The following MSRB1 variants were observed in gnomAD, a reference collection of about 807,000 sequenced individuals.
The protein encoded by MSRB1 is methionine sulfoxide reductase B1.
Under a neutral mutation model 15.2 loss-of-function variants are expected in MSRB1, and 13 were observed. That is an observed-to-expected ratio of 0.86 (90% CI 0.56 to 1.36). MSRB1 has a LOEUF of 1.36. Among genes scored for constraint, MSRB1 ranks in the 40% most tolerant of loss-of-function variants. The pLI is 0.00. For missense variants in MSRB1, 174 were observed against 155.9 expected, an observed-to-expected ratio of 1.12 and a Z score of -0.62; for synonymous variants, 68 against 64.5, an observed-to-expected ratio of 1.05 and a Z score of -0.26.
At position 1,938,866 on chromosome 16, in the gene MSRB1, T is replaced by G. The variant is rs2150855578; in HGVS notation, c.*246A>C. On this transcript the variant is annotated 3_prime_UTR_variant, in exon 4 of 4. Coordinates refer to ENST00000361871, the MANE Select transcript of MSRB1 (RefSeq NM_016332.4). ...CACCTAGAGTGAGCAGGGGGCTAAG[T>G]CAGCCGACAGTGTGGCTGCACAGCC... The G allele has an allele frequency of 1.7e-6, 1 of 591,276 alleles. No individual in the cohort carries two copies. Among genetic ancestry groups the G allele is most frequent in the African/African-American group, 1.9e-5 (1 of 52,304 alleles). The allele number at this position is 591,276 out of a possible 1,614,324, so 36.6% of individuals were successfully genotyped here.
chr16:1,940,831 G>A lies in MSRB1; in HGVS notation c.266C>T (p.Pro89Leu), dbSNP rs770828953. 49 of 1,613,982 alleles carry A rather than the reference G, an allele frequency of 3.0e-5. No individual in the cohort carries two copies. The highest frequency in any genetic ancestry group is 1.6e-4 in the Middle Eastern group (1 of 6,084). ...GHEFLNDGPK[P>L]GQSRFUIFSS... ...GAATATTCAGAATCGGGACTGCCCC[G>A]GCTTGGGGCCGTCGTTCAGGAACTC... Residue 89 changes from proline to leucine, a missense_variant, in exon 3 of 4, where the codon CCG becomes CTG. Physicochemically the swap from Pro to Leu is moderately conservative, Grantham distance 98. Coordinates refer to ENST00000361871, the MANE Select transcript of MSRB1 (RefSeq NM_016332.4).
In MSRB1 at chr16:1,938,958, T is replaced by C; in HGVS notation, c.*154A>G. 1.0e-6 allele frequency: 1 copy of C among 982,826 alleles called. No homozygotes were observed. Among genetic ancestry groups the C allele is most frequent in the Non-Finnish European group, 1.6e-6 (1 of 640,136 alleles). The allele number at this position is 982,826 out of a possible 1,614,324, so 60.9% of individuals were successfully genotyped here. A position where few individuals can be genotyped will look rare whatever the true frequency, so the allele number is the denominator to read the frequency against. ...GTCTCTTTTCCAAGAAACGAAAAGG[T>C]CTTGTTCAGAGCCGGGGCCTTGGGA... On this transcript the variant is annotated 3_prime_UTR_variant, in exon 4 of 4. Coordinates refer to ENST00000361871, the MANE Select transcript of MSRB1 (RefSeq NM_016332.4).
intron 3 of MSRB1, among the ~76,000 whole-genome samples, chr16:1,939,679 T>C (rs576267337): frequency 2.4e-4 from 37 of 151,974 alleles, no homozygotes; most frequent in African/African-American, 8.4e-4. Context: ...ATTGGCTGGG[T>C]GCGGTAGCTC....
chr16:1,940,964 C>T (rs1255367155), intron 2 of MSRB1, 72 bp from the exon 3 acceptor site: 3 of 1,602,894 alleles, frequency 1.9e-6, no homozygotes, highest in South Asian at 2.2e-5. Context: ...CTTACTGGGG[C>T]TGGCAGATGG....
At chr16:1,941,786 G>A in intron 1 of MSRB1, 6 of 229,640 alleles carry the variant, frequency 2.6e-5, no homozygotes, top group Middle Eastern at 1.7e-3. Context: ...GAACATAGAG[G>A]GCAGGGGCCC....
chr16:1,939,228 C>A (rs1020393648), intron 3 of MSRB1, 85 bp from the exon 4 acceptor site: 3 of 1,445,088 alleles, frequency 2.1e-6, no homozygotes, highest in Non-Finnish European at 2.8e-6. Context: ...CGGTGGAAAG[C>A]CAGGGTAGGG....
chr16:1,941,198 A>T (rs562317579), intron 2 of MSRB1, 59 bp downstream of exon 2: 1 of 1,601,900 alleles, frequency 6.2e-7, no homozygotes, highest in African/African-American at 1.3e-5. Context: ...GGAAGGTGGG[A>T]CTGGCTCTCT....
intron 1 of MSRB1, among the ~76,000 whole-genome samples, chr16:1,942,788 G>A (rs1026085021): frequency 2.0e-5 from 3 of 152,172 alleles, no homozygotes; most frequent in African/African-American, 7.2e-5. Context: ...GAGTGTAGGG[G>A]GTAGGGAAGG....
rs1431837631 is a variant in MSRB1 at position 1,943,113 on chromosome 16, T to G, written c.44A>C (p.His15Pro). ...GCCGCAGGACCAACCAGGTTCAAAG[T>G]GATTCTGGAAAACCTCGCCCCCGAA... The part of the protein sequence containing the change: ...SFFGGEVFQN[H>P]FEPGVYVCAK... Residue 15 changes from histidine to proline, a missense_variant, in exon 1 of 4, where the codon CAC becomes CCC. Physicochemically the swap from His to Pro is moderately conservative, Grantham distance 77. Transcript: ENST00000361871. 6.4e-7 allele frequency: 1 copy of G among 1,560,392 alleles called. No homozygotes were observed. The highest frequency in any genetic ancestry group is 1.2e-5 in the South Asian group (1 of 84,716).
chr16:1,940,811 T>C lies in MSRB1; in HGVS notation c.286A>G (p.Ile96Val). The change falls in exon 3 of 4, where the codon ATA (isoleucine) becomes GTA (valine). Residue 96 changes from isoleucine to valine, a missense_variant. Transcript: ENST00000361871. ...ACAAACTTCAGCGAGCTGCTGAATA[T>C]TCAGAATCGGGACTGCCCCGGCTTG... ...GPKPGQSRFU[I>V]FSSSLKFVPK... is the part of the protein sequence containing the mutation. The C allele has an allele frequency of 1.2e-6, 2 of 1,613,998 alleles. No individual in the cohort carries two copies. Among genetic ancestry groups the C allele is most frequent in the Non-Finnish European group, 1.7e-6 (2 of 1,179,970 alleles).
At chr16:1,943,004 C>A (rs2150858464) in intron 1 of MSRB1, 98 bp downstream of exon 1, 1 of 1,496,676 alleles carries the variant, frequency 6.7e-7, no homozygotes, top group South Asian at 1.2e-5. Flanking sequence ...CCCCCATTCC[C>A]GGCTTGGGAG....
intron 3 of MSRB1, among the ~76,000 whole-genome samples, chr16:1,939,652 C>T (rs2083062976): frequency 6.6e-6 from 1 of 151,984 alleles, no homozygotes; most frequent in South Asian, 2.1e-4. Context: ...ACCCCCATCT[C>T]TATAAAAATT....
At chr16:1,941,689 A>C in intron 1 of MSRB1, 1 of 466,972 alleles carries the variant, frequency 2.1e-6, no homozygotes, top group Non-Finnish European at 3.9e-6. Context: ...TGATGCAGAC[A>C]CTCAGCTACA....
chr16:1,940,780 T>C lies in MSRB1; in HGVS notation c.317A>G (p.Lys106Arg). The change falls in exon 3 of 4, where the codon AAA becomes AGA. Residue 106 changes from lysine (K) to arginine (R), a missense_variant and splice_region_variant. Coordinates refer to ENST00000361871, the MANE Select transcript of MSRB1 (RefSeq NM_016332.4). ...IFSSSLKFVP[K>R]GKETSASQGH ...CCAGCTGTGCAAAGCAAGCTCACCTTTAGGGACAAACTTCAGCGAGCTGCT... is the reference window on the plus strand; with the variant it reads ...CCAGCTGTGCAAAGCAAGCTCACCTCTAGGGACAAACTTCAGCGAGCTGCT... The C allele has an allele frequency of 6.2e-7, 1 of 1,612,606 alleles. No homozygotes were observed. Among genetic ancestry groups the C allele is most frequent in the African/African-American group, 1.3e-5 (1 of 74,926 alleles).
chr16:1,942,460 A>G (rs1389023116), intron 1 of MSRB1, among the ~76,000 whole-genome samples: 1 of 152,226 alleles, frequency 6.6e-6, no homozygotes, highest in African/African-American at 2.4e-5. Flanking sequence ...CCATGCCCCA[A>G]ACCACCCCAT....
chr16:1,941,140 T>C (rs1355276418), intron 2 of MSRB1, 117 bp downstream of exon 2: 2 of 1,555,198 alleles, frequency 1.3e-6, no homozygotes, highest in Non-Finnish European at 1.7e-6. Flanking sequence ...GCAACAGGCC[T>C]GGAATAGACG....
chr16:1,941,446 C>A, intron 1 of MSRB1, 41 bp from the exon 2 acceptor site: 1 of 1,561,560 alleles, frequency 6.4e-7, no homozygotes, highest in East Asian at 2.3e-5. Context: ...CATCAGCTCC[C>A]GCCTTTCCGG....
rs1016978563 is a variant in MSRB1, at chr16:1,938,951, G to A, written c.*161C>T. 2.2e-5 allele frequency: 21 copies of A among 948,676 alleles called. No individual in the cohort carries two copies. Among genetic ancestry groups the A allele is most frequent in the African/African-American group, 6.6e-5 (4 of 60,294 alleles). The allele number at this position is 948,676 out of a possible 1,614,324, so 58.8% of individuals were successfully genotyped here. ...CAAATGAGTCTCTTTTCCAAGAAAC[G>A]AAAAGGTCTTGTTCAGAGCCGGGGC... On this transcript the variant is annotated 3_prime_UTR_variant, in exon 4 of 4. Coordinates refer to ENST00000361871, the MANE Select transcript of MSRB1 (RefSeq NM_016332.4).
rs1401946252 is a variant in MSRB1 at position 1,939,096 on chromosome 16, G to A, written c.*16C>T. ...CTCAGTGTGGTGGCCGTCTGGGGTG[G>A]GTGTGGGCTGCCCGCCTAGTGACCC... On this transcript the variant is annotated 3_prime_UTR_variant, in exon 4 of 4. Transcript: ENST00000361871. The A allele has an allele frequency of 1.2e-6, 2 of 1,612,704 alleles. No homozygotes were observed. Among genetic ancestry groups the A allele is most frequent in the Non-Finnish European group, 1.7e-6 (2 of 1,179,658 alleles).
Sources: allele counts gnomAD v4.1 joint callset (sites outside exome capture counted in the v4.1 genomes callset), GRCh38; gene constraint gnomAD v4.1.1; transcripts MANE v1.5; gene names NCBI Gene and HGNC (gene_info 2026-07-23, HGNC 2026-07-21).